Variants in KPNA6 observed in about 807,000 individuals in gnomAD.
The protein encoded by KPNA6 is karyopherin subunit alpha 6, also known as importin subunit alpha-7.
Under a neutral mutation model 72.0 loss-of-function variants are expected in KPNA6, and 9 were observed. The observed-to-expected ratio is 0.13, with a 90% CI of 0.08 to 0.22. The LOEUF is 0.22. Ranked by LOEUF, KPNA6 falls within the 10% of genes least tolerant of loss-of-function variation. The pLI is 1.00. For synonymous variants in KPNA6, 219 were observed against 242.1 expected, an observed-to-expected ratio of 0.90 and a Z score of 0.89; for missense variants, 374 against 655.7, an observed-to-expected ratio of 0.57 and a Z score of 4.69.
At position 32,175,782 on chromosome 1, in the gene KPNA6, C is replaced by CAAAAAAAA. The variant is rs35485312; in HGVS notation, c.*4903_*4910dup. ...TGGGTGACAGTGCGAGACTCCATCTCAAAAAAAAAAAAAAAAAAAAAATCC... is the reference window on the plus strand; with the variant it reads ...TGGGTGACAGTGCGAGACTCCATCTCAAAAAAAAAAAAAAAAAAAAAAAAAAAAAATCC... On this transcript the variant is annotated 3_prime_UTR_variant, in exon 14 of 14. Coordinates refer to ENST00000373625, the MANE Select transcript of KPNA6 (RefSeq NM_012316.5). 2.6e-5 allele frequency: 1 copy of CAAAAAAAA among 38,914 alleles called. No homozygotes were observed. The highest frequency in any genetic ancestry group is 3.1e-4 in the Admixed American group (1 of 3,194). The allele number at this position is 38,914 out of a possible 1,614,324, so 2.4% of individuals were successfully genotyped here. A position where few individuals can be genotyped will look rare whatever the true frequency, so the allele number is the denominator to read the frequency against.
At position 32,117,283 on chromosome 1, in the gene KPNA6, C is replaced by T. The variant is rs1468352347; in HGVS notation, c.4+9149C>T. ...CACCCTCCGGGTTCAAATGATTCTC[C>T]TTCGTCAGCCTCCTGAGTAGCTGGG... On this transcript the variant is annotated intron_variant, in intron 1 of 13. Coordinates refer to ENST00000373625, the MANE Select transcript of KPNA6 (RefSeq NM_012316.5). Among the ~76,000 whole-genome samples the T allele has an allele frequency of 3.9e-5, 6 of 152,058 alleles. No homozygotes were observed. In the South Asian group the frequency reaches 1.0e-3, roughly 26 times the overall value.
At chr1:32,142,463 G>A (rs114574931) in intron 1 of KPNA6, among the ~76,000 whole-genome samples, 16 of 152,064 alleles carry the variant, frequency 1.1e-4, no homozygotes, top group East Asian at 5.8e-4. Context: ...AAATATAGAC[G>A]CGTTTTGAGG....
intron 2 of KPNA6, among the ~76,000 whole-genome samples, chr1:32,155,915 A>ATTTTTT (rs747284319): frequency 1.6e-4 from 17 of 105,044 alleles, no homozygotes; most frequent in Admixed American, 4.2e-4. Context: ...ATTTTTGTGG[A>ATTTTTT]TTTTTTTTTT....
chr1:32,115,964 G>A (rs866425564), intron 1 of KPNA6, among the ~76,000 whole-genome samples: 1 of 151,764 alleles, frequency 6.6e-6, no homozygotes, highest in African/African-American at 2.4e-5. Context: ...AGTTGGTCTC[G>A]AACTCCTGAC....
At chr1:32,149,310 T>A (rs1641988365) in intron 1 of KPNA6, among the ~76,000 whole-genome samples, 3 of 152,182 alleles carry the variant, frequency 2.0e-5, no homozygotes, top group African/African-American at 7.2e-5. Flanking sequence ...TTTATCTCTT[T>A]GAGCATATTT....
At chr1:32,124,067 A>ACAAAATTTTTAGGTTAAAAATTTTTAACC (rs1275375255) in intron 1 of KPNA6, among the ~76,000 whole-genome samples, 9 of 151,290 alleles carry the variant, frequency 5.9e-5, no homozygotes, top group South Asian at 4.2e-4. Context: ...GAATGACTAA[A>ACAAAATTTTTAGGTTAAAAATTTTTAACC]CAAAATTTTT....
At chr1:32,168,674 TAGAC>T (rs1642380556) in intron 12 of KPNA6, among the ~76,000 whole-genome samples, 1 of 152,168 alleles carries the variant, frequency 6.6e-6, no homozygotes, top group Non-Finnish European at 1.5e-5. Context: ...AAAGGCCTCT[TAGAC>T]AGGGAAAAGC....
chr1:32,170,181 T>C (rs1218289905), intron 13 of KPNA6, 121 bp downstream of exon 13: 2 of 835,076 alleles, frequency 2.4e-6, no homozygotes, highest in Non-Finnish European at 1.9e-6. Flanking sequence ...ATGAGACTGA[T>C]GTCTGTGTCT....
intron 1 of KPNA6, among the ~76,000 whole-genome samples, chr1:32,148,984 T>C (rs996366330): frequency 9.2e-5 from 14 of 152,160 alleles, no homozygotes; most frequent in Non-Finnish European, 1.0e-4. Context: ...TGAGCCACCG[T>C]GCCGGCCATA....
Position 32,176,417 on chromosome 1 carries a change from A to G in KPNA6, c.*5523A>G, listed in dbSNP as rs1020665225. 8.5e-5 allele frequency: 13 copies of G among 152,428 alleles called. No individual in the cohort carries two copies. The highest frequency in any genetic ancestry group is 2.7e-4 in the African/African-American group (11 of 41,468). 9.4% of individuals were successfully genotyped at this position (152,428 alleles called of 1,614,324 possible). On this transcript the variant is annotated 3_prime_UTR_variant, in exon 14 of 14. Coordinates refer to ENST00000373625, the MANE Select transcript of KPNA6 (RefSeq NM_012316.5). ...GACACAGCTTGATTTCAGAGCAGAC[A>G]TAGGCGAAGAAAACATGGCATTGAG... is the stretch of plus-strand genomic sequence containing the variant.
intron 1 of KPNA6, among the ~76,000 whole-genome samples, chr1:32,143,186 C>G (rs1188559901): frequency 6.6e-6 from 1 of 152,174 alleles, no homozygotes; most frequent in Non-Finnish European, 1.5e-5. Flanking sequence ...GCCTCAGCCT[C>G]CCAAGTAGCT....
intron 2 of KPNA6, among the ~76,000 whole-genome samples, chr1:32,155,915 ATT>A (rs747284319): frequency 1.9e-5 from 2 of 105,046 alleles, no homozygotes; most frequent in Admixed American, 1.1e-4. Context: ...ATTTTTGTGG[ATT>A]TTTTTTTTTT....
chr1:32,159,631 G>A lies in KPNA6; in HGVS notation c.558+100G>A, dbSNP rs991006393. On this transcript the variant is annotated intron_variant, in intron 6 of 13. Transcript: ENST00000373625. ...TTCTTGGCACAGTGTTAAAACTCTT[G>A]GAATTTCCTGAGTGATAGGGGTGTC... The A allele has an allele frequency of 1.1e-4, 144 of 1,357,288 alleles. 1 individual carries two copies. Among genetic ancestry groups the A allele is most frequent in the Middle Eastern group, 6.8e-4 (3 of 4,382 alleles). The allele number at this position is 1,357,288 out of a possible 1,614,324, so 84.1% of individuals were successfully genotyped here. A position where few individuals can be genotyped will look rare whatever the true frequency, so the allele number is the denominator to read the frequency against.
chr1:32,141,432 C>G (rs1472174108), intron 1 of KPNA6, among the ~76,000 whole-genome samples: 1 of 107,516 alleles, frequency 9.3e-6, no homozygotes, highest in Non-Finnish European at 1.8e-5. Context: ...GAGTCTCACA[C>G]TGTCACCCAG....
Position 32,174,962 on chromosome 1 carries a change from C to A in KPNA6, c.*4068C>A, listed in dbSNP as rs932801113. The stretch of plus-strand genomic sequence containing the variant: ...TGTTTTCTGTTTGAGCTTTTTCATT[C>A]TTTTGTTAAGCCAACAAGTTGAGAA... On this transcript the variant is annotated 3_prime_UTR_variant, in exon 14 of 14. Coordinates refer to ENST00000373625, the MANE Select transcript of KPNA6 (RefSeq NM_012316.5). The A allele has an allele frequency of 2.0e-5, 3 of 152,172 alleles. No homozygotes were observed. The highest frequency in any genetic ancestry group is 7.2e-5 in the African/African-American group (3 of 41,438). 9.4% of individuals were successfully genotyped at this position (152,172 alleles called of 1,614,324 possible). A position where few individuals can be genotyped will look rare whatever the true frequency, so the allele number is the denominator to read the frequency against.
chr1:32,119,559 A>T (rs889703986), intron 1 of KPNA6, among the ~76,000 whole-genome samples: 8 of 152,120 alleles, frequency 5.3e-5, no homozygotes, highest in Admixed American at 5.3e-4. Context: ...GAAGTCCCAG[A>T]TTTTATATTC....
chr1:32,153,643 CAT>C (rs1252981094), intron 1 of KPNA6, among the ~76,000 whole-genome samples: 1 of 146,442 alleles, frequency 6.8e-6, no homozygotes, highest in Admixed American at 6.8e-5. Context: ...GAAGGGGAAA[CAT>C]ATAGCTAATA....
At chr1:32,170,398 C>A (rs911990644) in intron 13 of KPNA6, among the ~76,000 whole-genome samples, 1 of 152,116 alleles carries the variant, frequency 6.6e-6, no homozygotes, top group East Asian at 1.9e-4. Flanking sequence ...ATAGGCTGTA[C>A]CTATAAGAGT....
At position 32,115,519 on chromosome 1, in the gene KPNA6, T is replaced by G. The variant is rs575447559; in HGVS notation, c.4+7385T>G. 3.4e-3 allele frequency among the ~76,000 whole-genome samples: 517 copies of G among 152,054 alleles called. 2 individuals are homozygous for G. The highest frequency in any genetic ancestry group is 5.1e-3 in the Non-Finnish European group (344 of 67,978). ...ATAGCACACTGCAACCTCTAATTCC[T>G]GGGCTCAAGGGATCCCCCCACGTCA... On this transcript the variant is annotated intron_variant, in intron 1 of 13. Transcript: ENST00000373625.
Sources: allele counts gnomAD v4.1 joint callset (sites outside exome capture counted in the v4.1 genomes callset), GRCh38; gene constraint gnomAD v4.1.1; transcripts MANE v1.5; gene names NCBI Gene and HGNC (gene_info 2026-07-23, HGNC 2026-07-21).